PDE4B: variants seen among roughly 807,000 people sequenced by gnomAD.
PDE4B encodes the protein 3',5'-cyclic-AMP phosphodiesterase 4B.
PDE4B carries 20 observed loss-of-function variants against 82.2 expected under a neutral mutation model. That is an observed-to-expected ratio of 0.24 (90% confidence interval 0.17 to 0.35). The LOEUF (loss-of-function observed/expected upper bound fraction) is 0.35, where lower values mean the gene tolerates loss of function less well. PDE4B is among the 10% of genes least tolerant of loss of function. The pLI, the probability that PDE4B is intolerant of heterozygous loss-of-function variation, is 1.00. For missense variants in PDE4B, 655 were observed against 907.2 expected, an observed-to-expected ratio of 0.72 and a Z score of 3.57; for synonymous variants, 320 against 318.9, an observed-to-expected ratio of 1.00 and a Z score of -0.04.
chr1:66,006,066 A>G lies in PDE4B; in HGVS notation c.281+87231A>G, dbSNP rs138869372. ...GAAAAAAAGTTTCTAAAAAAGTTTT[A>G]TGCGTATCAGATTTTCAAAAATGTG... is the stretch of plus-strand genomic sequence containing the variant. On this transcript the variant is annotated intron_variant, in intron 3 of 16. Transcript: ENST00000341517. 4.9e-3 allele frequency among the ~76,000 whole-genome samples: 754 copies of G among 152,350 alleles called. 1 individual carries two copies. Among genetic ancestry groups the G allele is most frequent in the Non-Finnish European group, 8.0e-3 (546 of 68,014 alleles).
chr1:66,005,431 T>C (rs1486107896), intron 3 of PDE4B, among the ~76,000 whole-genome samples: 3 of 152,192 alleles, frequency 2.0e-5, no homozygotes, highest in African/African-American at 7.2e-5. Flanking sequence ...AAAGAATATT[T>C]AAGGATGAAA....
At chr1:66,248,752 G>A (rs1309717827) in intron 4 of PDE4B, among the ~76,000 whole-genome samples, 1 of 152,184 alleles carries the variant, frequency 6.6e-6, no homozygotes, top group Non-Finnish European at 1.5e-5. Context: ...ATGCTGTCAG[G>A]GAGGTTACAG....
chr1:65,959,789 A>G (rs922881058), intron 3 of PDE4B, among the ~76,000 whole-genome samples: 2 of 152,144 alleles, frequency 1.3e-5, no homozygotes, highest in African/African-American at 4.8e-5. Flanking sequence ...TCAACAGCAA[A>G]ACAGGTTGAA....
In PDE4B at chr1:66,339,850, G is replaced by GT. The variant is rs10579358; in HGVS notation, c.747+7243dup. ...TTTTTTTTTGTTTGTTTTTTTTGTTGTTTTTTTTTTTTTAGAATATGTCCG... is the reference window on the plus strand; with the variant it reads ...TTTTTTTTTGTTTGTTTTTTTTGTTGTTTTTTTTTTTTTTAGAATATGTCCG... On this transcript the variant is annotated intron_variant, in intron 8 of 16. Transcript: ENST00000341517. 1.1e-3 allele frequency among the ~76,000 whole-genome samples: 151 copies of GT among 142,966 alleles called. 2 individuals carry two copies. The highest frequency in any genetic ancestry group is 2.6e-3 in the East Asian group (13 of 4,968). The allele number at this position is 142,966 out of a possible 152,430, so 93.8% of individuals were successfully genotyped here. A position where few individuals can be genotyped will look rare whatever the true frequency, so the allele number is the denominator to read the frequency against.
intron 3 of PDE4B, among the ~76,000 whole-genome samples, chr1:66,011,728 T>C (rs1367922410): frequency 6.6e-6 from 1 of 152,118 alleles, no homozygotes; most frequent in Non-Finnish European, 1.5e-5. Context: ...TCGGTCCTTA[T>C]TTTGCCACTA....
At chr1:66,178,205 G>T (rs980581930) in intron 3 of PDE4B, among the ~76,000 whole-genome samples, 2 of 151,640 alleles carry the variant, frequency 1.3e-5, no homozygotes, top group Non-Finnish European at 2.9e-5. Flanking sequence ...TTATTATATT[G>T]TTTTTAAAAA....
intron 1 of PDE4B, among the ~76,000 whole-genome samples, chr1:65,802,561 G>T (rs987212393): frequency 6.6e-6 from 1 of 152,048 alleles, no homozygotes; most frequent in African/African-American, 2.4e-5. Context: ...TGGAAAAATT[G>T]GTACCTCCCC....
intron 3 of PDE4B, among the ~76,000 whole-genome samples, chr1:66,001,060 G>A (rs1295584291): frequency 6.6e-6 from 1 of 152,074 alleles, no homozygotes; most frequent in African/African-American, 2.4e-5. Context: ...AGTAGAGGGA[G>A]AAAAGAAATC....
chr1:66,365,558 C>CTGT, intron 12 of PDE4B, 109 bp from the exon 13 acceptor site: 1 of 570,162 alleles, frequency 1.8e-6, no homozygotes, highest in Non-Finnish European at 3.2e-6. Flanking sequence ...TTACATAAAT[C>CTGT]AACAATCCCT....
At chr1:66,158,893 A>G (rs557745653) in intron 3 of PDE4B, among the ~76,000 whole-genome samples, 1 of 152,322 alleles carries the variant, frequency 6.6e-6, no homozygotes, top group African/African-American at 2.4e-5. Flanking sequence ...AAAAAAGATG[A>G]TCTCATAAAA....
chr1:66,055,042 T>A (rs1336417156), intron 3 of PDE4B, among the ~76,000 whole-genome samples: 1 of 152,164 alleles, frequency 6.6e-6, no homozygotes, highest in Admixed American at 6.6e-5. Context: ...GCGATTTAGA[T>A]GAGCATCAGT....
chr1:66,032,212 T>A (rs941419965), intron 3 of PDE4B, among the ~76,000 whole-genome samples: 1 of 152,234 alleles, frequency 6.6e-6, no homozygotes, highest in Non-Finnish European at 1.5e-5. Flanking sequence ...GTATTTGGCA[T>A]GTATTGTTAC....
chr1:66,328,267 G>A (rs1318101073), intron 7 of PDE4B, among the ~76,000 whole-genome samples: 1 of 152,260 alleles, frequency 6.6e-6, no homozygotes, highest in African/African-American at 2.4e-5. Flanking sequence ...AAGAGAGCAA[G>A]AGAAGGGAGG....
chr1:66,321,302 C>T (rs1039872917), intron 7 of PDE4B, among the ~76,000 whole-genome samples: 7 of 152,152 alleles, frequency 4.6e-5, no homozygotes, highest in African/African-American at 7.2e-5. Flanking sequence ...TGGTCATCAA[C>T]CAAATTCCAC....
At chr1:66,316,185 A>T (rs758156945) in intron 7 of PDE4B, among the ~76,000 whole-genome samples, 10 of 152,254 alleles carry the variant, frequency 6.6e-5, no homozygotes, top group African/African-American at 9.6e-5. Context: ...GGCTGATTCA[A>T]CAATCTCAAA....
At chr1:65,829,464 A>G (rs957095857) in intron 1 of PDE4B, among the ~76,000 whole-genome samples, 1 of 152,220 alleles carries the variant, frequency 6.6e-6, no homozygotes, top group African/African-American at 2.4e-5. Context: ...TTTGACCTTT[A>G]TAGAGCACTC....
chr1:66,242,926 A>G (rs1164233215), intron 3 of PDE4B, among the ~76,000 whole-genome samples: 1 of 152,216 alleles, frequency 6.6e-6, no homozygotes. Flanking sequence ...TTCCCCAGGA[A>G]TAGAAACCAC....
intron 3 of PDE4B, among the ~76,000 whole-genome samples, chr1:66,012,652 T>A (rs1048337906): frequency 4.6e-5 from 7 of 152,088 alleles, no homozygotes; most frequent in African/African-American, 1.7e-4. Context: ...CATTAAACAA[T>A]CTGTTCTCAG....
At chr1:66,031,982 G>A (rs546335246) in intron 3 of PDE4B, among the ~76,000 whole-genome samples, 1 of 152,288 alleles carries the variant, frequency 6.6e-6, no homozygotes, top group East Asian at 1.9e-4. Flanking sequence ...AGAATTTGAA[G>A]TACACTGAGA....
Sources: gnomAD v4.1 joint callset for allele counts (sites outside exome capture counted in the v4.1 genomes callset) on GRCh38, gnomAD v4.1.1 for gene constraint, MANE v1.5 for transcripts, NCBI Gene and HGNC (gene_info 2026-07-23, HGNC 2026-07-21) for gene names.